The following NTM variants were observed in gnomAD, a reference collection of about 807,000 sequenced individuals.
NTM encodes IgLON family member 2.
Under a neutral mutation model 42.1 loss-of-function variants are expected in NTM, and 13 were observed. The observed-to-expected ratio is 0.31, with a 90% CI of 0.20 to 0.49. The LOEUF (loss-of-function observed/expected upper bound fraction) is 0.49. Ranked by LOEUF, NTM falls within the 20% of genes least tolerant of loss-of-function variation. NTM has a pLI of 0.99. For synonymous variants in NTM, 187 were observed against 179.2 expected, an observed-to-expected ratio of 1.04 and a Z score of -0.35; for missense variants, 373 against 452.8, an observed-to-expected ratio of 0.82 and a Z score of 1.60.
chr11:132,206,614 A>G (rs750150505), intron 3 of NTM, among the ~76,000 whole-genome samples: 9 of 152,230 alleles, frequency 5.9e-5, no homozygotes, highest in Non-Finnish European at 1.3e-4. Flanking sequence ...CAGTTAGAAC[A>G]TAGTAGAGCC....
At chr11:132,195,739 A>G (rs2080103299) in intron 3 of NTM, among the ~76,000 whole-genome samples, 1 of 152,230 alleles carries the variant, frequency 6.6e-6, no homozygotes, top group Non-Finnish European at 1.5e-5. Context: ...GGTGCAAGAT[A>G]ACTGGCTAGC....
chr11:131,936,510 G>A (rs1288765205), intron 2 of NTM, among the ~76,000 whole-genome samples: 3 of 152,180 alleles, frequency 2.0e-5, no homozygotes, highest in Non-Finnish European at 4.4e-5. Context: ...GGTAGGAGGT[G>A]AGGGTTGGAA....
chr11:132,018,924 T>G (rs1465025010), intron 2 of NTM, among the ~76,000 whole-genome samples: 1 of 152,158 alleles, frequency 6.6e-6, no homozygotes, highest in South Asian at 2.1e-4. Context: ...CTACTTCTTC[T>G]GGAGTCATTT....
intron 2 of NTM, among the ~76,000 whole-genome samples, chr11:132,028,590 A>G (rs1248487851): frequency 3.9e-5 from 6 of 152,138 alleles, no homozygotes; most frequent in Non-Finnish European, 5.9e-5. Context: ...CTATAGAGCC[A>G]TGAGTAGGCC....
chr11:131,711,682 A>G lies in NTM; in HGVS notation c.83-199882A>G, dbSNP rs1352678945. Reference sequence around the variant, plus strand: ...TGCTGCTATAAAGACACATGCACACATATGTTTATTGCGGCACTATTCACA... The same window carrying G: ...TGCTGCTATAAAGACACATGCACACGTATGTTTATTGCGGCACTATTCACA... On this transcript the variant is annotated intron_variant, in intron 1 of 8. Coordinates refer to ENST00000683400, the MANE Select transcript of NTM (RefSeq NM_001352005.2). 2.7e-3 allele frequency among the ~76,000 whole-genome samples: 414 copies of G among 151,898 alleles called. 5 individuals carry two copies. The highest frequency in any genetic ancestry group is 8.9e-3 in the African/African-American group (368 of 41,406).
intron 6 of NTM, among the ~76,000 whole-genome samples, chr11:132,310,911 C>A (rs954328243): frequency 6.6e-6 from 1 of 152,168 alleles, no homozygotes; most frequent in African/African-American, 2.4e-5. Context: ...ATGGCAATTG[C>A]TGTTATCAAA....
At chr11:132,091,011 A>T (rs2136405443) in intron 2 of NTM, among the ~76,000 whole-genome samples, 1 of 152,214 alleles carries the variant, frequency 6.6e-6, no homozygotes, top group Middle Eastern at 3.4e-3. Flanking sequence ...CATTCCACAC[A>T]AGCCTTTACT....
intron 2 of NTM, among the ~76,000 whole-genome samples, chr11:131,939,347 G>C (rs1432940104): frequency 6.6e-6 from 1 of 152,112 alleles, no homozygotes; most frequent in Non-Finnish European, 1.5e-5. Flanking sequence ...GAAGTGAAAA[G>C]TATCCATGGG....
chr11:131,694,277 C>G (rs973191918), intron 1 of NTM, among the ~76,000 whole-genome samples: 1 of 152,210 alleles, frequency 6.6e-6, no homozygotes, highest in Admixed American at 6.5e-5. Context: ...TGACTTGTTA[C>G]CCTTGCAGCA....
At chr11:131,829,154 A>AT (rs201977271) in intron 1 of NTM, among the ~76,000 whole-genome samples, 18,443 of 151,750 alleles carry the variant, frequency 0.12, 1,305 homozygotes, top group Admixed American at 0.2. Context: ...CAGAGAAAAC[A>AT]TTTTTTCTGT....
chr11:131,871,170 A>C (rs1047427784), intron 1 of NTM, among the ~76,000 whole-genome samples: 4 of 152,224 alleles, frequency 2.6e-5, no homozygotes, highest in African/African-American at 9.6e-5. Context: ...TGTTTTAATC[A>C]GGGAGAACAT....
intron 1 of NTM, among the ~76,000 whole-genome samples, chr11:131,761,225 C>A (rs1362996656): frequency 6.6e-6 from 1 of 152,122 alleles, no homozygotes; most frequent in Non-Finnish European, 1.5e-5. Context: ...ACATCCTATT[C>A]CTCACAGCAG....
intron 1 of NTM, among the ~76,000 whole-genome samples, chr11:131,494,090 T>C (rs1188165693): frequency 3.3e-5 from 5 of 152,226 alleles, no homozygotes; most frequent in African/African-American, 1.2e-4. Context: ...TTCCCCTGTC[T>C]CTACCCTTCA....
intron 2 of NTM, among the ~76,000 whole-genome samples, chr11:132,104,052 T>C (rs1176340935): frequency 6.6e-6 from 1 of 152,210 alleles, no homozygotes; most frequent in Non-Finnish European, 1.5e-5. Context: ...ACAGAGTATA[T>C]CTGATGCAGA....
intron 1 of NTM, chr11:131,795,080 A>C: frequency 1.6e-6 from 1 of 639,826 alleles, no homozygotes; most frequent in Non-Finnish European, 1.9e-6. Flanking sequence ...GTCTTTATTT[A>C]AACTGTTCAC....
intron 1 of NTM, among the ~76,000 whole-genome samples, chr11:131,827,589 C>T (rs11603321): frequency 0.57 from 86,309 of 152,052 alleles, 26,378 homozygotes; most frequent in East Asian, 0.86. Flanking sequence ...AATGTTTTGT[C>T]CAAAACCTGA....
At chr11:131,733,244 G>C (rs1170319179) in intron 1 of NTM, among the ~76,000 whole-genome samples, 1 of 152,070 alleles carries the variant, frequency 6.6e-6, no homozygotes, top group African/African-American at 2.4e-5. Flanking sequence ...TAGGTAGAAT[G>C]TTGATATCCT....
At chr11:131,455,081 G>A (rs1345541439) in intron 1 of NTM, among the ~76,000 whole-genome samples, 2 of 152,200 alleles carry the variant, frequency 1.3e-5, no homozygotes, top group East Asian at 1.9e-4. Flanking sequence ...GCTGTTCAAC[G>A]CAAGCATGAT....
chr11:131,766,137 A>G (rs2085058516), intron 1 of NTM, among the ~76,000 whole-genome samples: 1 of 152,188 alleles, frequency 6.6e-6, no homozygotes, highest in Admixed American at 6.5e-5. Flanking sequence ...CACAGCTCAG[A>G]CGGCAGCCAG....
Sources: gnomAD v4.1 joint callset for allele counts (sites outside exome capture counted in the v4.1 genomes callset) on GRCh38, gnomAD v4.1.1 for gene constraint, MANE v1.5 for transcripts, NCBI Gene and HGNC (gene_info 2026-07-23, HGNC 2026-07-21) for gene names.